PLCB4: variants seen among roughly 807,000 people sequenced by gnomAD.
The protein encoded by PLCB4 is 1-phosphatidylinositol 4,5-bisphosphate phosphodiesterase beta-4.
Under a neutral mutation model 178.8 loss-of-function variants are expected in PLCB4, and 77 were observed. The observed-to-expected ratio is 0.43, with a 90% CI of 0.36 to 0.52. The LOEUF (loss-of-function observed/expected upper bound fraction) is 0.52, where lower values mean the gene tolerates loss of function less well. Among genes scored for constraint, PLCB4 ranks in the 20% least tolerant of loss-of-function variants. The pLI is 0.00. For synonymous variants in PLCB4, 496 were observed against 490.8 expected (o/e 1.01, Z -0.14); for missense variants, 1,024 against 1,453.4 (o/e 0.70, Z 4.80).
intron 4 of PLCB4, among the ~76,000 whole-genome samples, chr20:9,319,092 C>T (rs1406427204): frequency 1.3e-5 from 2 of 152,266 alleles, no homozygotes; most frequent in Middle Eastern, 3.4e-3. Context: ...ATTGCACTCT[C>T]TTAATGCATG....
Position 9,476,701 on chromosome 20 carries a change from AT to A in PLCB4, c.3496-11del. ...TGTATGACTCAATTTTGACATTACT[AT>A]TTTTGTACAAACAGCTTTTGAAATC... On this transcript the variant is annotated splice_polypyrimidine_tract_variant and intron_variant, in intron 38 of 39. Transcript: ENST00000378473. The A allele has an allele frequency of 6.3e-7, 1 of 1,587,756 alleles. No homozygotes were observed. The highest frequency in any genetic ancestry group is 8.6e-7 in the Non-Finnish European group (1 of 1,156,466).
At chr20:9,424,900 A>G (rs2040889393) in intron 28 of PLCB4, among the ~76,000 whole-genome samples, 1 of 152,166 alleles carries the variant, frequency 6.6e-6, no homozygotes. Flanking sequence ...TGTTTTTAGT[A>G]GTGCATGCTT....
chr20:9,465,134 A>G (rs2043678643), intron 35 of PLCB4, among the ~76,000 whole-genome samples: 1 of 152,252 alleles, frequency 6.6e-6, no homozygotes, highest in Non-Finnish European at 1.5e-5. Context: ...GGTTCAACAT[A>G]TGCAAATCAA....
intron 4 of PLCB4, among the ~76,000 whole-genome samples, chr20:9,308,424 GGGCTTTGGGCCACCAATCTGTTCAGAAT>G (rs1449008019): frequency 2.6e-5 from 4 of 152,136 alleles, no homozygotes; most frequent in African/African-American, 9.7e-5. Context: ...TATAGAGCAG[GGGCTTTGGGCCACCAATCTGTTCAGAAT>G]GGCTGGGTAG....
chr20:9,102,840 G>T (rs1158875979), intron 2 of PLCB4, among the ~76,000 whole-genome samples: 1 of 152,032 alleles, frequency 6.6e-6, no homozygotes. Flanking sequence ...GTTCTCTGGG[G>T]TTTAAAGGTG....
intron 1 of PLCB4, among the ~76,000 whole-genome samples, chr20:9,087,483 C>G (rs6108253): frequency 1.3e-5 from 2 of 152,112 alleles, no homozygotes; most frequent in African/African-American, 4.8e-5. Context: ...TTGGAACAAC[C>G]TAATTTTCAA....
chr20:9,376,899 G>C (rs2036723407), intron 12 of PLCB4, among the ~76,000 whole-genome samples: 1 of 152,016 alleles, frequency 6.6e-6, no homozygotes, highest in Non-Finnish European at 1.5e-5. Flanking sequence ...ACATATCATA[G>C]GATCACATCA....
At chr20:9,153,540 C>G (rs1321695994) in intron 2 of PLCB4, among the ~76,000 whole-genome samples, 1 of 152,176 alleles carries the variant, frequency 6.6e-6, no homozygotes, top group East Asian at 1.9e-4. Context: ...GATTCTGAGG[C>G]CTCCCTAACC....
chr20:9,366,494 G>A (rs2035798035), intron 9 of PLCB4, among the ~76,000 whole-genome samples: 1 of 151,996 alleles, frequency 6.6e-6, no homozygotes, highest in South Asian at 2.1e-4. Flanking sequence ...TACTTAAGTG[G>A]ACAGATTTCA....
chr20:9,301,944 G>T (rs1261033400), intron 3 of PLCB4, among the ~76,000 whole-genome samples: 3 of 151,848 alleles, frequency 2.0e-5, no homozygotes, highest in African/African-American at 4.8e-5. Context: ...TGTTTACACT[G>T]CAAGAGGTTT....
chr20:9,069,616 C>CT, intron 1 of PLCB4, among the ~76,000 whole-genome samples: 1 of 152,184 alleles, frequency 6.6e-6, no homozygotes, highest in East Asian at 1.9e-4. Flanking sequence ...TAAAACAACA[C>CT]TGACAGGCTT....
At chr20:9,397,295 T>C (rs968164974) in intron 19 of PLCB4, among the ~76,000 whole-genome samples, 2 of 152,224 alleles carry the variant, frequency 1.3e-5, no homozygotes, top group African/African-American at 2.4e-5. Context: ...TTCAGCCCCA[T>C]GTTCAGGCTC....
At chr20:9,219,418 G>C (rs1178386677) in intron 3 of PLCB4, among the ~76,000 whole-genome samples, 2 of 152,092 alleles carry the variant, frequency 1.3e-5, no homozygotes, top group Non-Finnish European at 2.9e-5. Context: ...GCAGTGAGCC[G>C]AGATGGCGCC....
At chr20:9,293,622 T>TATTCATTCATTCATTCATTCATTC (rs4053132) in intron 3 of PLCB4, among the ~76,000 whole-genome samples, 2 of 150,748 alleles carry the variant, frequency 1.3e-5, no homozygotes, top group East Asian at 2.0e-4. Flanking sequence ...CAGAGTAAAA[T>TATTCATTCATTCATTCATTCATTC]ATTCATTCAT....
chr20:9,245,778 G>A (rs2094118869), intron 3 of PLCB4, among the ~76,000 whole-genome samples: 1 of 151,776 alleles, frequency 6.6e-6, no homozygotes, highest in African/African-American at 2.4e-5. Context: ...GGGACTCCAG[G>A]CACATGCCAC....
intron 3 of PLCB4, among the ~76,000 whole-genome samples, chr20:9,230,713 G>C (rs944131787): frequency 1.3e-5 from 2 of 152,040 alleles, no homozygotes; most frequent in Non-Finnish European, 2.9e-5. Context: ...GGTGGTGTAG[G>C]GTGGTCTTAG....
In PLCB4 at chr20:9,236,705, C is replaced by T. The variant is rs369198939; in HGVS notation, c.-16+19253C>T. Among the ~76,000 whole-genome samples, 70 of 152,272 alleles carry T rather than the reference C, an allele frequency of 4.6e-4. No homozygotes were observed. In the East Asian group the frequency reaches 9.3e-3, roughly 20 times the overall value. ...TCATTTTGGATTGATGGGAGAGGCA[C>T]TTATTTCAGACAAGCGGTAGCATTC... On this transcript the variant is annotated intron_variant, in intron 3 of 39. Transcript: ENST00000378473.
At chr20:9,253,532 TC>T (rs369967886) in intron 3 of PLCB4, among the ~76,000 whole-genome samples, 115 of 152,316 alleles carry the variant, frequency 7.6e-4, no homozygotes, top group African/African-American at 2.6e-3. Flanking sequence ...GTTGCCCTGT[TC>T]CCGTCTCTTT....
At chr20:9,393,185 G>T (rs2038290009) in intron 17 of PLCB4, among the ~76,000 whole-genome samples, 1 of 152,094 alleles carries the variant, frequency 6.6e-6, no homozygotes, top group African/African-American at 2.4e-5. Flanking sequence ...TGACACTTGG[G>T]GGGATCTGGG....
Sources: allele counts gnomAD v4.1 joint callset (sites outside exome capture counted in the v4.1 genomes callset), GRCh38; gene constraint gnomAD v4.1.1; transcripts MANE v1.5; gene names NCBI Gene and HGNC (gene_info 2026-07-23, HGNC 2026-07-21).